ARHGAP12: variants seen among roughly 807,000 people sequenced by gnomAD.
The protein encoded by ARHGAP12 is rho GTPase-activating protein 12.
A neutral mutation model predicts 108.6 loss-of-function variants in ARHGAP12; 64 were observed. The observed-to-expected ratio is 0.59, with a 90% CI of 0.48 to 0.73. The LOEUF (loss-of-function observed/expected upper bound fraction) is 0.73. ARHGAP12 is among the 30% of genes least tolerant of loss of function. ARHGAP12 has a pLI of 0.00. For synonymous variants in ARHGAP12, 312 were observed against 337.2 expected (o/e 0.93, Z 0.82); for missense variants, 940 against 1,005.9 (o/e 0.93, Z 0.89).
chr10:31,905,808 T>C (rs1378133373), intron 3 of ARHGAP12, among the ~76,000 whole-genome samples: 1 of 150,954 alleles, frequency 6.6e-6, no homozygotes, highest in Non-Finnish European at 1.5e-5. Flanking sequence ...AAGAGGACTG[T>C]TGATACAGGT....
chr10:31,847,226 GA>G (rs1836495979), intron 6 of ARHGAP12, among the ~76,000 whole-genome samples: 1 of 152,044 alleles, frequency 6.6e-6, no homozygotes, highest in Admixed American at 6.6e-5. Flanking sequence ...CCAACCTACT[GA>G]TTGTCTTTTC....
At chr10:31,902,930 C>A (rs781342890) in intron 3 of ARHGAP12, among the ~76,000 whole-genome samples, 2 of 151,994 alleles carry the variant, frequency 1.3e-5, no homozygotes, top group Non-Finnish European at 2.9e-5. Context: ...TGTGAGTGGG[C>A]CTCATCCAAT....
At chr10:31,881,851 CAGAAT>C (rs1202415486) in intron 3 of ARHGAP12, among the ~76,000 whole-genome samples, 3 of 149,740 alleles carry the variant, frequency 2.0e-5, no homozygotes, top group African/African-American at 7.4e-5. Flanking sequence ...TAAGTGTTCA[CAGAAT>C]AGGAGAAATA....
chr10:31,860,243 C>T (rs541219151), intron 4 of ARHGAP12, among the ~76,000 whole-genome samples: 3 of 152,284 alleles, frequency 2.0e-5, no homozygotes, highest in Admixed American at 2.0e-4. Context: ...CTGCTAAATA[C>T]AAGATGTGTT....
chr10:31,890,232 C>T (rs1838363385), intron 3 of ARHGAP12, among the ~76,000 whole-genome samples: 1 of 152,214 alleles, frequency 6.6e-6, no homozygotes, highest in South Asian at 2.1e-4. Context: ...AGTTTCAACC[C>T]AAGTTCAGTC....
chr10:31,884,335 A>C (rs1036262076), intron 3 of ARHGAP12, among the ~76,000 whole-genome samples: 1 of 151,870 alleles, frequency 6.6e-6, no homozygotes, highest in Non-Finnish European at 1.5e-5. Context: ...AAAAAAAAAA[A>C]CGGCACAGTT....
intron 3 of ARHGAP12, among the ~76,000 whole-genome samples, chr10:31,889,182 G>A (rs926752506): frequency 1.3e-5 from 2 of 152,166 alleles, no homozygotes; most frequent in Non-Finnish European, 2.9e-5. Flanking sequence ...AAAGTGCAGC[G>A]ATTACAGACG....
chr10:31,908,594 G>C lies in ARHGAP12; in HGVS notation c.262C>G (p.Pro88Ala), dbSNP rs761603265. 1.2e-6 allele frequency: 2 copies of C among 1,614,092 alleles called. No homozygotes were observed. Among genetic ancestry groups the C allele is most frequent in the Non-Finnish European group, 1.7e-6 (2 of 1,180,022 alleles). ...MPPVKQVAGL[P>A]NNSTKIMQSL... ...TGCATTATTTTCGTGGAGTTATTTG[G>C]CAGACCAGCTACCTGCTTAACAGGT... is the stretch of plus-strand genomic sequence containing the variant. The change falls in exon 3 of 20, where the codon CCA becomes GCA. Residue 88 changes from proline to alanine, a missense_variant. Transcript: ENST00000344936.
intron 3 of ARHGAP12, among the ~76,000 whole-genome samples, chr10:31,867,540 T>C (rs1427743193): frequency 2.0e-5 from 3 of 152,240 alleles, no homozygotes; most frequent in Non-Finnish European, 4.4e-5. Context: ...AATAATGCAC[T>C]GTCTTTTCTA....
intron 4 of ARHGAP12, among the ~76,000 whole-genome samples, chr10:31,859,275 T>C (rs1381522472): frequency 6.6e-6 from 1 of 152,010 alleles, no homozygotes; most frequent in Admixed American, 6.5e-5. Context: ...CCTAAAGACA[T>C]CTGTGGACAT....
chr10:31,867,465 A>G (rs990010183), intron 3 of ARHGAP12, among the ~76,000 whole-genome samples: 2 of 152,210 alleles, frequency 1.3e-5, no homozygotes, highest in Admixed American at 6.5e-5. Context: ...CTTAGCATAA[A>G]ATACCAAACT....
At chr10:31,888,963 G>A (rs1444152714) in intron 3 of ARHGAP12, among the ~76,000 whole-genome samples, 1 of 151,976 alleles carries the variant, frequency 6.6e-6, no homozygotes, top group Non-Finnish European at 1.5e-5. Flanking sequence ...AGGCTGGAGT[G>A]CAATGGTGCA....
At chr10:31,847,313 T>C (rs1836499575) in intron 6 of ARHGAP12, among the ~76,000 whole-genome samples, 1 of 152,198 alleles carries the variant, frequency 6.6e-6, no homozygotes, top group South Asian at 2.1e-4. Context: ...TTGAGTACTA[T>C]AAGACTTTGG....
rs1839711518 is a variant in ARHGAP12 at position 31,919,734 on chromosome 10, T to G, written c.-111+8949A>C. Among the ~76,000 whole-genome samples, 3 of 150,352 alleles carry G rather than the reference T, an allele frequency of 2.0e-5. No homozygotes were observed. In the South Asian group the frequency reaches 6.3e-4, roughly 31 times the overall value. The stretch of plus-strand genomic sequence containing the variant: ...TGAACCAGGGAGGTGGAGCTTCCAG[T>G]GAGCCGAGATCGCACCACTGCACCT... On this transcript the variant is annotated intron_variant, in intron 1 of 19. Transcript: ENST00000344936.
chr10:31,873,377 C>A (rs1388436514), intron 3 of ARHGAP12, among the ~76,000 whole-genome samples: 1 of 152,184 alleles, frequency 6.6e-6, no homozygotes, highest in Non-Finnish European at 1.5e-5. Context: ...TTATTCCAAA[C>A]ATTCTCCAAA....
rs551190844 is a variant in ARHGAP12, at chr10:31,897,696, T to C, written c.684+10476A>G. Among the ~76,000 whole-genome samples the C allele has an allele frequency of 2.2e-4, 34 of 152,214 alleles. No homozygotes were observed. The South Asian group carries it at 6.8e-3, about 31-fold the overall frequency. On this transcript the variant is annotated intron_variant, in intron 3 of 19. Coordinates refer to ENST00000344936, the MANE Select transcript of ARHGAP12 (RefSeq NM_018287.7). ...CCACTTCAGTTCCTATCACCTGATATATGGTGTCTGGCTTTCAACCAAAAA... is the reference window on the plus strand; with the variant it reads ...CCACTTCAGTTCCTATCACCTGATACATGGTGTCTGGCTTTCAACCAAAAA...
intron 3 of ARHGAP12, among the ~76,000 whole-genome samples, chr10:31,904,704 G>A (rs1839056635): frequency 6.6e-6 from 1 of 152,132 alleles, no homozygotes; most frequent in African/African-American, 2.4e-5. Flanking sequence ...TCGGGTCACT[G>A]CAACCTCTGC....
At chr10:31,868,427 T>C (rs796862426) in intron 3 of ARHGAP12, among the ~76,000 whole-genome samples, 70 of 152,284 alleles carry the variant, frequency 4.6e-4, no homozygotes, top group African/African-American at 1.5e-3. Context: ...CTTTAGAGTT[T>C]GAGGGGACAA....
intron 6 of ARHGAP12, among the ~76,000 whole-genome samples, chr10:31,846,310 T>C (rs1836458843): frequency 6.6e-6 from 1 of 152,234 alleles, no homozygotes; most frequent in Admixed American, 6.5e-5. Context: ...TCACCCTTTC[T>C]GTTGTTCTTT....
Sources: allele counts gnomAD v4.1 joint callset (sites outside exome capture counted in the v4.1 genomes callset), GRCh38; gene constraint gnomAD v4.1.1; transcripts MANE v1.5; gene names NCBI Gene and HGNC (gene_info 2026-07-23, HGNC 2026-07-21).